The following TBXAS1 variants were observed in gnomAD, a reference collection of about 807,000 sequenced individuals.
The protein encoded by TBXAS1 is thromboxane-A synthase.
In TBXAS1, 48 loss-of-function variants were observed where a neutral mutation model predicts 60.7. That is an observed-to-expected ratio of 0.79 (90% CI 0.63 to 1.01). The LOEUF (loss-of-function observed/expected upper bound fraction) is 1.01. TBXAS1 is among the 50% of genes least tolerant of loss of function. The pLI, the probability that TBXAS1 is intolerant of heterozygous loss-of-function variation, is 0.00. For synonymous variants in TBXAS1, 287 were observed against 269.7 expected (o/e 1.06, Z -0.63); for missense variants, 685 against 686.3 (o/e 1.00, Z 0.02).
At position 140,014,164 on chromosome 7, in the gene TBXAS1, TA is replaced by T. The variant is rs145712879; in HGVS notation, c.1227-1556del. On this transcript the variant is annotated intron_variant, in intron 10 of 12. Transcript: ENST00000448866. ...AAGAGGTCAATGAGAGACGAGAATC[TA>T]AACTAAGGAGATGGCAGTAAAACTG... 7.9e-3 allele frequency among the ~76,000 whole-genome samples: 1,209 copies of T among 152,246 alleles called. 11 individuals are homozygous for T. Among genetic ancestry groups the T allele is most frequent in the Non-Finnish European group, 0.013 (882 of 68,014 alleles).
chr7:139,898,569 C>T lies in TBXAS1; in HGVS notation c.237-12656C>T, dbSNP rs577419169. Among the ~76,000 whole-genome samples the T allele has an allele frequency of 2.6e-5, 4 of 152,142 alleles. No individual in the cohort carries two copies. In the East Asian group the frequency reaches 5.8e-4, roughly 22 times the overall value. On this transcript the variant is annotated intron_variant, in intron 3 of 12. Coordinates refer to ENST00000448866, the MANE Select transcript of TBXAS1 (RefSeq NM_001061.7). ...CTCAAAATCCTGACCTCAGGTGATCCGCAAGTGCTGGGATTACAGGCGTGA... is the reference window on the plus strand; with the variant it reads ...CTCAAAATCCTGACCTCAGGTGATCTGCAAGTGCTGGGATTACAGGCGTGA...
intron 9 of TBXAS1, among the ~76,000 whole-genome samples, chr7:139,991,839 G>A (rs558170671): frequency 1.4e-4 from 21 of 152,292 alleles, no homozygotes; most frequent in African/African-American, 3.4e-4. Flanking sequence ...CTGAAGCCCC[G>A]GAGAGCACGG....
At chr7:139,799,249 T>TG (rs2116348403) in intron 4 of TBXAS1, among the ~76,000 whole-genome samples, 1 of 151,268 alleles carries the variant, frequency 6.6e-6, no homozygotes, top group South Asian at 2.1e-4. Flanking sequence ...TTTTTTTTTT[T>TG]GAGACAGTCT....
At chr7:139,939,679 G>A (rs954235827) in intron 5 of TBXAS1, among the ~76,000 whole-genome samples, 3 of 151,958 alleles carry the variant, frequency 2.0e-5, no homozygotes, top group Admixed American at 6.6e-5. Context: ...GGGGAAGAAA[G>A]ATGGTCTTCA....
Position 139,936,185 on chromosome 7 carries a change from C to T in TBXAS1, c.334-6C>T. 2 of 1,614,094 alleles carry T rather than the reference C, an allele frequency of 1.2e-6. No homozygotes were observed. The highest frequency in any genetic ancestry group is 1.7e-6 in the Non-Finnish European group (2 of 1,180,002). Reference sequence around the variant, plus strand: ...TCCTGACCCTCTGCTTGTTACTTCCCAACAGGCGTCGGGTTTGGAGTTCAA... The same window carrying T: ...TCCTGACCCTCTGCTTGTTACTTCCTAACAGGCGTCGGGTTTGGAGTTCAA... On this transcript the variant is annotated splice_polypyrimidine_tract_variant and splice_region_variant and intron_variant, in intron 4 of 12. Transcript: ENST00000448866.
intron 3 of TBXAS1, among the ~76,000 whole-genome samples, chr7:139,885,552 C>T (rs565168674): frequency 6.6e-6 from 1 of 152,332 alleles, no homozygotes; most frequent in African/African-American, 2.4e-5. Context: ...AAAGTGCACA[C>T]ATTTACCCAA....
At chr7:139,931,767 T>C (rs1173377992) in intron 4 of TBXAS1, among the ~76,000 whole-genome samples, 1 of 152,122 alleles carries the variant, frequency 6.6e-6, no homozygotes, top group Non-Finnish European at 1.5e-5. Context: ...CAAGATGAGA[T>C]GTGGGTGGGG....
At chr7:139,928,244 A>G (rs535912435) in intron 4 of TBXAS1, among the ~76,000 whole-genome samples, 17 of 152,314 alleles carry the variant, frequency 1.1e-4, no homozygotes, top group African/African-American at 4.1e-4. Context: ...TTGAGATTGT[A>G]TATGTTTTTC....
intron 9 of TBXAS1, among the ~76,000 whole-genome samples, chr7:139,972,168 A>G (rs1811252383): frequency 6.6e-6 from 1 of 152,242 alleles, no homozygotes; most frequent in African/African-American, 2.4e-5. Context: ...GAGTCCCTGC[A>G]GAGCAGAGGG....
Position 139,916,439 on chromosome 7 carries a change from A to G in TBXAS1, c.333+5118A>G, listed in dbSNP as rs897744919. Among the ~76,000 whole-genome samples the G allele has an allele frequency of 6.6e-6, 1 of 152,058 alleles. No homozygotes were observed. The highest frequency in any genetic ancestry group is 1.5e-5 in the Non-Finnish European group (1 of 68,026). Reference sequence around the variant, plus strand: ...GGTCCTCATGAGCAACACAGAGGTCACCTCTCCAGGCACAGGTCGAGCCAC... The same window carrying G: ...GGTCCTCATGAGCAACACAGAGGTCGCCTCTCCAGGCACAGGTCGAGCCAC... On this transcript the variant is annotated intron_variant, in intron 4 of 12. Coordinates refer to ENST00000448866, the MANE Select transcript of TBXAS1 (RefSeq NM_001061.7). This position sits in a 1 kb window ranked among gnomAD's most constrained non-coding sequence, Gnocchi z 4.2.
chr7:139,887,054 C>T (rs1329048020), intron 3 of TBXAS1, among the ~76,000 whole-genome samples: 1 of 152,108 alleles, frequency 6.6e-6, no homozygotes, highest in African/African-American at 2.4e-5. Context: ...AGTACCAGGG[C>T]TTCAGGGCCC....
rs1382020261 is a variant in TBXAS1 at position 139,953,360 on chromosome 7, A to G, written c.451-8A>G. 11 of 1,612,394 alleles carry G rather than the reference A, an allele frequency of 6.8e-6. No homozygotes were observed. Among genetic ancestry groups the G allele is most frequent in the African/African-American group, 1.3e-5 (1 of 75,022 alleles). ...TGCCCTAATTACACCTTTGTTATCC[A>G]TTATCAGATGGTTCCCCTCATCAGC... On this transcript the variant is annotated splice_region_variant and splice_polypyrimidine_tract_variant and intron_variant, in intron 5 of 12. Coordinates refer to ENST00000448866, the MANE Select transcript of TBXAS1 (RefSeq NM_001061.7).
rs531627417 is a variant in TBXAS1 at position 139,819,096 on chromosome 7, C to A, written c.-79-10216C>A. Reference sequence around the variant, plus strand: ...ACCCAGAATGGGACCCCACCTGTGGCAGGAATGCTATATGCTTTCCAAACC... The same window carrying A: ...ACCCAGAATGGGACCCCACCTGTGGAAGGAATGCTATATGCTTTCCAAACC... On this transcript the variant is annotated intron_variant, in intron 4 of 16. Transcript: ENST00000336425. 1.4e-4 allele frequency among the ~76,000 whole-genome samples: 22 copies of A among 152,352 alleles called. No individual in the cohort carries two copies. The South Asian group carries it at 4.1e-3, about 29-fold the overall frequency.
chr7:139,794,141 G>A (rs1386391085), intron 4 of TBXAS1, among the ~76,000 whole-genome samples: 1 of 151,380 alleles, frequency 6.6e-6, no homozygotes, highest in Admixed American at 6.6e-5. Context: ...TCACTCTGCT[G>A]CCCAGGCTGG....
At chr7:139,972,266 C>T (rs1396920934) in intron 9 of TBXAS1, among the ~76,000 whole-genome samples, 2 of 152,190 alleles carry the variant, frequency 1.3e-5, no homozygotes, top group South Asian at 2.1e-4. Context: ...AAATCAGAGT[C>T]TTTCATATTC....
At chr7:139,910,654 T>G (rs1375246333) in intron 3 of TBXAS1, among the ~76,000 whole-genome samples, 1 of 152,080 alleles carries the variant, frequency 6.6e-6, no homozygotes, top group Non-Finnish European at 1.5e-5. Context: ...AAAATAAAAT[T>G]TTAAAAAGTA....
chr7:139,910,169 G>A (rs1455174962), intron 3 of TBXAS1, among the ~76,000 whole-genome samples: 2 of 152,158 alleles, frequency 1.3e-5, no homozygotes, highest in East Asian at 3.8e-4. Context: ...TGTCTCTCCT[G>A]TCAGATAGTC....
At chr7:139,865,623 GGAGGAGGAGGAA>G (rs1271538888) in intron 1 of TBXAS1, among the ~76,000 whole-genome samples, 1 of 81,572 alleles carries the variant, frequency 1.2e-5, no homozygotes, top group African/African-American at 4.5e-5. Context: ...AGGAGGAAGA[GGAGGAGGAGGAA>G]GAGGAGGAGG....
At chr7:139,782,204 CT>C (rs34354515) in intron 2 of TBXAS1, among the ~76,000 whole-genome samples, 36,129 of 145,146 alleles carry the variant, frequency 0.25, 4,468 homozygotes, top group African/African-American at 0.32. Context: ...AAAAAAATCA[CT>C]TTTTTTTTTT....
Sources: allele counts gnomAD v4.1 joint callset (sites outside exome capture counted in the v4.1 genomes callset), GRCh38; gene constraint gnomAD v4.1.1; non-coding constraint Gnocchi (gnomAD v3.1); transcripts MANE v1.5; gene names NCBI Gene and HGNC (gene_info 2026-07-23, HGNC 2026-07-21).